PAX8: variants seen among roughly 807,000 people sequenced by gnomAD.
The protein encoded by PAX8 is paired box protein Pax-8.
PAX8 carries 15 observed loss-of-function variants against 52.4 expected under a neutral mutation model. The observed-to-expected ratio is 0.29, with a 90% CI of 0.19 to 0.44. PAX8 has a LOEUF of 0.44. Among genes scored for constraint, PAX8 ranks in the 20% least tolerant of loss-of-function variants. The probability of loss-of-function intolerance (pLI) is 1.00; values close to 1 mark genes in which losing one functional copy is unlikely to be tolerated. For synonymous variants in PAX8, 284 were observed against 249.7 expected (o/e 1.14, Z -1.29); for missense variants, 554 against 602.5 (o/e 0.92, Z 0.84).
intron 7 of PAX8, chr2:113,238,709 G>A (rs1198631323): frequency 6.6e-6 from 1 of 152,174 alleles, no homozygotes; most frequent in Non-Finnish European, 1.5e-5. Flanking sequence ...TAGTCTACTT[G>A]ACTGCTCTGA....
chr2:113,255,363 C>A (rs985533007), intron 2 of PAX8: 1 of 151,186 alleles, frequency 6.6e-6, no homozygotes, highest in Non-Finnish European at 1.5e-5. Flanking sequence ...ACCTTCTTTG[C>A]CTTAAACAGA....
At position 113,277,375 on chromosome 2, in the gene PAX8, C is replaced by A. The variant is rs13015130; in HGVS notation, c.25+995G>T. On this transcript the variant is annotated intron_variant, in intron 2 of 11. Coordinates refer to ENST00000429538, the MANE Select transcript of PAX8 (RefSeq NM_003466.4). ...TGGCTAAATAGAGATCTCAGCCTCG[C>A]TGCGCGCCCGATCCGACCCTCCTTA... is the stretch of plus-strand genomic sequence containing the variant. Among the ~76,000 whole-genome samples, 3 of 152,228 alleles carry A rather than the reference C, an allele frequency of 2.0e-5. No individual in the cohort carries two copies. In the East Asian group the frequency reaches 5.8e-4, roughly 29 times the overall value.
intron 3 of PAX8, among the ~76,000 whole-genome samples, chr2:113,245,093 C>T (rs1212281559): frequency 1.3e-5 from 2 of 151,182 alleles, no homozygotes; most frequent in East Asian, 3.9e-4. Context: ...GTCACCCAGG[C>T]TAGAATGCAA....
chr2:113,256,403 C>T (rs1366644320), intron 2 of PAX8, among the ~76,000 whole-genome samples: 2 of 152,168 alleles, frequency 1.3e-5, no homozygotes, highest in Non-Finnish European at 2.9e-5. Context: ...GCATGTGAGG[C>T]TGGCTCTGGG....
At chr2:113,251,479 G>A (rs1376012948) in intron 2 of PAX8, among the ~76,000 whole-genome samples, 1 of 152,110 alleles carries the variant, frequency 6.6e-6, no homozygotes, top group Non-Finnish European at 1.5e-5. Context: ...GTGGGTATGG[G>A]GGAGGAAGAC....
chr2:113,241,378 C>A (rs764427275), intron 7 of PAX8, 173 bp downstream of exon 7: 2 of 723,364 alleles, frequency 2.8e-6, no homozygotes, highest in Non-Finnish European at 4.9e-6. Flanking sequence ...GAGGAAGATG[C>A]CAGGGCATCT....
At chr2:113,236,478 C>T (rs1335692873) in intron 8 of PAX8, 123 bp downstream of exon 8, 13 of 1,179,586 alleles carry the variant, frequency 1.1e-5, no homozygotes, top group East Asian at 2.6e-5. Flanking sequence ...GCCCACCTGG[C>T]GGCCCGGCCG....
intron 2 of PAX8, chr2:113,273,404 G>T (rs1693596974): frequency 6.6e-6 from 1 of 152,190 alleles, no homozygotes; most frequent in African/African-American, 2.4e-5. Flanking sequence ...CTGCCAGTGT[G>T]TCCCTCATTC....
chr2:113,222,879 C>T (rs980828538), intron 10 of PAX8, among the ~76,000 whole-genome samples: 1 of 151,890 alleles, frequency 6.6e-6, no homozygotes, highest in African/African-American at 2.4e-5. Context: ...TTTAGCTCAT[C>T]CCTGTCTCAT....
chr2:113,258,611 A>G (rs774998729), intron 2 of PAX8, among the ~76,000 whole-genome samples: 25 of 152,148 alleles, frequency 1.6e-4, no homozygotes, highest in Non-Finnish European at 1.5e-4. Context: ...CCTCAAAGGC[A>G]TTCGCAGCTC....
rs75878471 is a variant in PAX8 at position 113,227,285 on chromosome 2, T to A, written c.1088-29A>T. ...GAAAAATACAGCAAAGAGTCGTCAGTTGGACCATGGGGGCTCCCATATGTA... is the reference window on the plus strand; with the variant it reads ...GAAAAATACAGCAAAGAGTCGTCAGATGGACCATGGGGGCTCCCATATGTA... On this transcript the variant is annotated intron_variant, in intron 9 of 11. Coordinates refer to ENST00000429538, the MANE Select transcript of PAX8 (RefSeq NM_003466.4). 88 of 1,557,776 alleles carry A rather than the reference T, an allele frequency of 5.6e-5. No homozygotes were observed. In the East Asian group the frequency reaches 2.0e-3, roughly 35 times the overall value.
intron 9 of PAX8, among the ~76,000 whole-genome samples, chr2:113,231,545 A>AG (rs5833488): frequency 0.39 from 58,709 of 152,074 alleles, 11,467 homozygotes; most frequent in South Asian, 0.45. Context: ...GCTATGAAGT[A>AG]GTGAAGGAGT....
chr2:113,255,850 C>T (rs1692208292), intron 2 of PAX8, among the ~76,000 whole-genome samples: 1 of 152,164 alleles, frequency 6.6e-6, no homozygotes, highest in Admixed American at 6.5e-5. Flanking sequence ...AGAGACAGCT[C>T]AAGCTAGGGA....
At chr2:113,231,954 C>G (rs1407535419) in intron 9 of PAX8, among the ~76,000 whole-genome samples, 4 of 152,160 alleles carry the variant, frequency 2.6e-5, no homozygotes, top group South Asian at 4.1e-4. Context: ...TCTCGAACTC[C>G]CGACCTCAGG....
intron 2 of PAX8, among the ~76,000 whole-genome samples, chr2:113,278,154 G>A (rs1693959458): frequency 6.6e-6 from 1 of 152,194 alleles, no homozygotes; most frequent in Non-Finnish European, 1.5e-5. Flanking sequence ...TCGAAACCGG[G>A]CAAGGGCGGC....
intron 2 of PAX8, among the ~76,000 whole-genome samples, chr2:113,248,195 G>A (rs1429401203): frequency 3.3e-5 from 5 of 152,228 alleles, no homozygotes; most frequent in African/African-American, 1.2e-4. Flanking sequence ...CTCATGAGGA[G>A]ACTGGGGCTC....
At chr2:113,257,291 G>A (rs770180531) in intron 2 of PAX8, among the ~76,000 whole-genome samples, 1 of 152,078 alleles carries the variant, frequency 6.6e-6, no homozygotes, top group Non-Finnish European at 1.5e-5. Context: ...GGCTGTTACC[G>A]ATTGACTCCT....
Position 113,229,951 on chromosome 2 carries a change from G to C in PAX8, c.1088-2695C>G, listed in dbSNP as rs577369876. Among the ~76,000 whole-genome samples, 6 of 152,314 alleles carry C rather than the reference G, an allele frequency of 3.9e-5. No individual in the cohort carries two copies. In the East Asian group the frequency reaches 1.2e-3, roughly 29 times the overall value. On this transcript the variant is annotated intron_variant, in intron 9 of 11. Coordinates refer to ENST00000429538, the MANE Select transcript of PAX8 (RefSeq NM_003466.4). Reference sequence around the variant, plus strand: ...TACCTCTTCCTCCATGAGAGAGAGAGAAAGGGAACTCCAGATCCAGGCTGG... The same window carrying C: ...TACCTCTTCCTCCATGAGAGAGAGACAAAGGGAACTCCAGATCCAGGCTGG...
intron 3 of PAX8, 122 bp downstream of exon 3, chr2:113,246,632 C>T: frequency 8.7e-7 from 1 of 1,142,918 alleles, no homozygotes; most frequent in South Asian, 1.4e-5. Flanking sequence ...GTCTCAGGAC[C>T]AAAGCTGGAC....
Sources: gnomAD v4.1 joint callset for allele counts (sites outside exome capture counted in the v4.1 genomes callset) on GRCh38, gnomAD v4.1.1 for gene constraint, MANE v1.5 for transcripts, NCBI Gene and HGNC (gene_info 2026-07-23, HGNC 2026-07-21) for gene names.